Variants in SAFB observed in about 807,000 individuals in gnomAD.
The protein encoded by SAFB is scaffold attachment factor B.
In SAFB, 15 loss-of-function variants were observed where a neutral mutation model predicts 101.6. The ratio of observed to expected loss-of-function variants is 0.15; its 90% confidence interval spans 0.10 to 0.23. The LOEUF is 0.23. Ranked by LOEUF, SAFB falls within the 10% of genes least tolerant of loss-of-function variation. SAFB has a pLI of 1.00. For synonymous variants in SAFB, 449 were observed against 407.5 expected (o/e 1.10, Z -1.23); for missense variants, 930 against 1,104.1 (o/e 0.84, Z 2.23).
At position 5,650,103 on chromosome 19, in the gene SAFB, T is replaced by C. The variant is rs145445101; in HGVS notation, c.1198+128T>C. 733 of 716,222 alleles carry C rather than the reference T, an allele frequency of 1.0e-3. 13 individuals carry two copies. In the East Asian group the frequency reaches 0.017, roughly 17 times the overall value. The allele number at this position is 716,222 out of a possible 1,614,324, so 44.4% of individuals were successfully genotyped here. Reference sequence around the variant, plus strand: ...ACTCCTGAGACGTTTGTGCAGTCTTTCTCCTTCTCTGCTGTTACCGCTACA... The same window carrying C: ...ACTCCTGAGACGTTTGTGCAGTCTTCCTCCTTCTCTGCTGTTACCGCTACA... On this transcript the variant is annotated intron_variant, in intron 8 of 20. Coordinates refer to ENST00000588852, the MANE Select transcript of SAFB (RefSeq NM_001201338.2).
intron 14 of SAFB, 74 bp from the exon 15 acceptor site, chr19:5,661,443 CG>C: frequency 1.3e-6 from 2 of 1,578,074 alleles, no homozygotes; most frequent in Non-Finnish European, 1.7e-6. Flanking sequence ...TGCGACCCAG[CG>C]TCTTACTTAA....
intron 2 of SAFB, among the ~76,000 whole-genome samples, chr19:5,639,816 G>A (rs2053666933): frequency 6.6e-6 from 1 of 152,070 alleles, no homozygotes; most frequent in South Asian, 2.1e-4. Context: ...ATGGGGGATG[G>A]AGCCGAAGTG....
intron 20 of SAFB, 114 bp from the exon 21 acceptor site, chr19:5,668,048 A>G: frequency 6.8e-7 from 1 of 1,470,992 alleles, no homozygotes; most frequent in South Asian, 1.3e-5. Flanking sequence ...TCAGGAGGGG[A>G]GGGCATTAGG....
chr19:5,624,371 C>T (rs1271440123), intron 1 of SAFB, among the ~76,000 whole-genome samples: 1 of 152,140 alleles, frequency 6.6e-6, no homozygotes, highest in Non-Finnish European at 1.5e-5. Flanking sequence ...CGCTTTTCCT[C>T]TCTGTGCCAC....
In SAFB at chr19:5,664,414, CAAT is replaced by C. The variant is rs1444042674; in HGVS notation, c.2310_2312del (p.Met772del). On this transcript the variant is annotated inframe_deletion, in exon 17 of 21. Transcript: ENST00000588852. ...CTTTTCAGGAGAGAAGGTTCAAGGT[CAAT>C]GATGGGAGAACGAGAAGGACAGGTA... is the stretch of plus-strand genomic sequence containing the variant. The C allele has an allele frequency of 6.2e-7, 1 of 1,613,410 alleles. No individual in the cohort carries two copies. Among genetic ancestry groups the C allele is most frequent in the Middle Eastern group, 1.6e-4 (1 of 6,062 alleles).
Position 5,668,444 on chromosome 19 carries a change from T to TG in SAFB, c.*153_*154insG. The stretch of plus-strand genomic sequence containing the variant: ...TTTTTCGTTTTGGGGTTTTTTTTTT[T>TG]TGTAATAAATGTGTTTCCGTTCACA... On this transcript the variant is annotated 3_prime_UTR_variant, in exon 21 of 21. Transcript: ENST00000588852. 1 of 768,762 alleles carries TG rather than the reference T, an allele frequency of 1.3e-6. No homozygotes were observed. Among genetic ancestry groups the TG allele is most frequent in the Non-Finnish European group, 2.0e-6 (1 of 507,134 alleles). 47.6% of individuals were successfully genotyped at this position (768,762 alleles called of 1,614,324 possible).
intron 2 of SAFB, among the ~76,000 whole-genome samples, chr19:5,635,471 T>A (rs921529071): frequency 1.3e-5 from 2 of 152,090 alleles, no homozygotes; most frequent in East Asian, 3.8e-4. Context: ...GTTGGTAACC[T>A]CTTAAGAGGA....
At chr19:5,644,773 A>G (rs1045448889) in intron 4 of SAFB, among the ~76,000 whole-genome samples, 7 of 152,246 alleles carry the variant, frequency 4.6e-5, no homozygotes, top group African/African-American at 1.7e-4. Context: ...CTTATTGGGC[A>G]GAGCCTACTT....
In SAFB at chr19:5,651,143, C is replaced by T. The variant is rs546083159; in HGVS notation, c.1293+71C>T. 1.1e-4 allele frequency: 99 copies of T among 941,710 alleles called. 1 individual carries two copies. The African/African-American group carries it at 1.5e-3, about 14-fold the overall frequency. 58.3% of individuals were successfully genotyped at this position (941,710 alleles called of 1,614,324 possible). A position where few individuals can be genotyped will look rare whatever the true frequency, so the allele number is the denominator to read the frequency against. ...TGTGTGGCCTTTACATGGAGGTCCT[C>T]TCCCCTCAGTGAGTTCTTTGAGAGA... On this transcript the variant is annotated intron_variant, in intron 9 of 20. Transcript: ENST00000588852.
At chr19:5,634,405 G>A (rs2053553282) in intron 2 of SAFB, among the ~76,000 whole-genome samples, 2 of 152,022 alleles carry the variant, frequency 1.3e-5, no homozygotes, top group Admixed American at 1.3e-4. Context: ...TTGAGGGTTT[G>A]TTCATTTGAT....
At chr19:5,645,466 C>G in intron 5 of SAFB, 67 bp downstream of exon 5, 1 of 771,320 alleles carries the variant, frequency 1.3e-6, no homozygotes, top group South Asian at 1.5e-5. Flanking sequence ...GAATCCATTT[C>G]AGACACCATA....
chr19:5,662,051 A>AT (rs1456840091), intron 15 of SAFB, among the ~76,000 whole-genome samples: 1 of 151,928 alleles, frequency 6.6e-6, no homozygotes, highest in Non-Finnish European at 1.5e-5. Flanking sequence ...CTCCCGGCTA[A>AT]TTTTTTTGTA....
chr19:5,661,570 C>T lies in SAFB; in HGVS notation c.1915C>T (p.Arg639Cys), dbSNP rs1252406631. The part of the protein sequence containing the change: ...REQRMQAQWE[R>C]EERERLEIAR... ...ACAACGCATGCAGGCGCAGTGGGAG[C>T]GCGAGGAGCGTGAGCGGCTGGAGAT... The change falls in exon 15 of 21, where the codon CGC (arginine) becomes TGC (cysteine). Residue 639 changes from arginine (R) to cysteine (C), a missense_variant. Physicochemically the swap from Arg to Cys is radical, Grantham distance 180. Transcript: ENST00000588852. 1 of 1,613,078 alleles carries T rather than the reference C, an allele frequency of 6.2e-7. No homozygotes were observed. Among genetic ancestry groups the T allele is most frequent in the Middle Eastern group, 1.7e-4 (1 of 6,052 alleles).
intron 2 of SAFB, among the ~76,000 whole-genome samples, chr19:5,630,148 A>G (rs1398556034): frequency 6.6e-6 from 1 of 152,212 alleles, no homozygotes. Flanking sequence ...TTTGCCTGTT[A>G]CCTTGTTGCC....
chr19:5,628,308 TAG>T lies in SAFB; in HGVS notation c.274+1822_274+1823del, dbSNP rs376785778. On this transcript the variant is annotated intron_variant, in intron 2 of 20. Transcript: ENST00000588852. ...AGACCGAATGTTCTCTTGGTTCATG[TAG>T]AGTTTTCCCTATCTGAAATGCTTGG... Among the ~76,000 whole-genome samples, 125 of 152,294 alleles carry T rather than the reference TAG, an allele frequency of 8.2e-4. 1 individual carries two copies. Among genetic ancestry groups the T allele is most frequent in the African/African-American group, 3.0e-3 (123 of 41,568 alleles).
Position 5,664,170 on chromosome 19 carries a change from C to G in SAFB, c.2291+11C>G, listed in dbSNP as rs368252383. On this transcript the variant is annotated intron_variant, in intron 16 of 20. Transcript: ENST00000588852. ...CCACTCGGTGGACAGGTCAGTTGGG[C>G]CCCTGCTGGGCGTGCGGGTTTTCTT... 2.5e-6 allele frequency: 4 copies of G among 1,612,492 alleles called. No individual in the cohort carries two copies. Among genetic ancestry groups the G allele is most frequent in the East Asian group, 2.2e-5 (1 of 44,878 alleles).
intron 9 of SAFB, 68 bp from the exon 10 acceptor site, chr19:5,653,047 T>C: frequency 6.6e-7 from 1 of 1,518,738 alleles, no homozygotes. Flanking sequence ...CCCTGTGGGG[T>C]GTTCATATCC....
Position 5,649,962 on chromosome 19 carries a change from C to T in SAFB, c.1185C>T (p.Ser395=). The T allele has an allele frequency of 6.2e-7, 1 of 1,613,872 alleles. No homozygotes were observed. Among genetic ancestry groups the T allele is most frequent in the Non-Finnish European group, 8.5e-7 (1 of 1,179,794 alleles). Residue 395 remains serine, a synonymous_variant, in exon 8 of 21, where the codon TCC becomes TCT. Coordinates refer to ENST00000588852, the MANE Select transcript of SAFB (RefSeq NM_001201338.2). The stretch of plus-strand genomic sequence containing the variant: ...ATGACTCGGATACAAAAAGGCTTTC[C>T]AAAGAGGAAAAGGGTAGGTCACCTC... ...PEDDSDTKRL[S]KEEKGRSSCG... is the part of the protein sequence containing the mutation.
chr19:5,648,338 C>T, intron 6 of SAFB: 1 of 403,750 alleles, frequency 2.5e-6, no homozygotes, highest in Non-Finnish European at 4.4e-6. Flanking sequence ...GTTCCAGATG[C>T]CTCTCTTGAG....
Sources: gnomAD v4.1 joint callset for allele counts (sites outside exome capture counted in the v4.1 genomes callset) on GRCh38, gnomAD v4.1.1 for gene constraint, MANE v1.5 for transcripts, NCBI Gene and HGNC (gene_info 2026-07-23, HGNC 2026-07-21) for gene names.